IGF1: variants seen among roughly 807,000 people sequenced by gnomAD.
IGF1 encodes the protein insulin like growth factor 1.
A neutral mutation model predicts 13.8 loss-of-function variants in IGF1; 4 were observed. The ratio of observed to expected loss-of-function variants is 0.29; its 90% CI spans 0.14 to 0.66. IGF1 has a LOEUF of 0.66. Among genes scored for constraint, IGF1 ranks in the 30% least tolerant of loss-of-function variants. The pLI is 0.78. For synonymous variants in IGF1, 76 were observed against 72.6 expected (o/e 1.05, Z -0.23); for missense variants, 124 against 188.5 (o/e 0.66, Z 2.00).
chr12:102,465,453 G>A (rs116895445), intron 2 of IGF1, among the ~76,000 whole-genome samples: 1 of 152,294 alleles, frequency 6.6e-6, no homozygotes, highest in Non-Finnish European at 1.5e-5. Context: ...AGGGGAGCTG[G>A]GTCAGGCCCA....
chr12:102,415,543 T>TTTCCTTCCTTCCTTCCTTCCGTCC (rs1875020537), intron 3 of IGF1, among the ~76,000 whole-genome samples: 3 of 81,722 alleles, frequency 3.7e-5, no homozygotes, highest in East Asian at 4.0e-4. Context: ...CTTCCTTCCC[T>TTTCCTTCCTTCCTTCCTTCCGTCC]TTCCTTCCTT....
At chr12:102,425,003 A>G (rs1035898239) in intron 2 of IGF1, among the ~76,000 whole-genome samples, 1 of 152,240 alleles carries the variant, frequency 6.6e-6, no homozygotes, top group African/African-American at 2.4e-5. Flanking sequence ...TCAACTGGCC[A>G]CATCTTTTTA....
chr12:102,446,823 G>A (rs1399222080), intron 2 of IGF1, among the ~76,000 whole-genome samples: 8 of 152,122 alleles, frequency 5.3e-5, no homozygotes, highest in African/African-American at 1.2e-4. Context: ...TTCAGGTGTC[G>A]ATTTTAGATC....
intron 3 of IGF1, among the ~76,000 whole-genome samples, chr12:102,413,830 A>G (rs982796442): frequency 2.0e-5 from 3 of 152,164 alleles, no homozygotes; most frequent in East Asian, 1.9e-4. Context: ...AACAGAAGCA[A>G]TGGCTCTCAC....
At chr12:102,416,690 A>T (rs1875169210) in intron 3 of IGF1, among the ~76,000 whole-genome samples, 1 of 152,180 alleles carries the variant, frequency 6.6e-6, no homozygotes, top group South Asian at 2.1e-4. Flanking sequence ...CAGATATAAA[A>T]ATAGATCTGT....
intron 3 of IGF1, among the ~76,000 whole-genome samples, chr12:102,409,666 A>G (rs1027814386): frequency 1.3e-5 from 2 of 152,168 alleles, no homozygotes; most frequent in South Asian, 2.1e-4. Context: ...TGGTCTATCT[A>G]TCTCGGGTTT....
intron 3 of IGF1, among the ~76,000 whole-genome samples, chr12:102,404,576 T>G (rs1423139867): frequency 6.6e-6 from 1 of 151,952 alleles, no homozygotes; most frequent in African/African-American, 2.4e-5. Context: ...CAGTGACCAC[T>G]GCAAAAAGGA....
intron 2 of IGF1, among the ~76,000 whole-genome samples, chr12:102,426,529 G>A (rs1303093058): frequency 6.6e-6 from 1 of 152,136 alleles, no homozygotes; most frequent in Non-Finnish European, 1.5e-5. Flanking sequence ...TAAATGAAAG[G>A]CTGTTCTCTT....
intron 1 of IGF1, among the ~76,000 whole-genome samples, chr12:102,476,528 C>T (rs757103587): frequency 4.6e-5 from 7 of 151,224 alleles, no homozygotes; most frequent in South Asian, 2.1e-4. Flanking sequence ...ATATGAGAAT[C>T]GAAGAATGAA....
Position 102,448,481 on chromosome 12 carries a change from T to C in IGF1, c.220+27162A>G, listed in dbSNP as rs949265491. Among the ~76,000 whole-genome samples, 336 of 136,484 alleles carry C rather than the reference T, an allele frequency of 2.5e-3. 3 individuals carry two copies. The highest frequency in any genetic ancestry group is 9.8e-3 in the East Asian group (44 of 4,492). 89.5% of individuals were successfully genotyped at this position (136,484 alleles called of 152,430 possible). ...GCATATTCTGACTCATAGGTGGGAA[T>C]TGAACAATGAGATCACATGGACACA... is the stretch of plus-strand genomic sequence containing the variant. On this transcript the variant is annotated intron_variant, in intron 2 of 3. Transcript: ENST00000337514.
intron 2 of IGF1, among the ~76,000 whole-genome samples, chr12:102,426,878 T>C (rs988826975): frequency 2.5e-4 from 38 of 152,382 alleles, no homozygotes; most frequent in African/African-American, 7.9e-4. Flanking sequence ...TCTCTTCTTT[T>C]CCTATTTCCT....
intron 2 of IGF1, among the ~76,000 whole-genome samples, chr12:102,443,929 G>A (rs1292192605): frequency 8.6e-5 from 13 of 152,028 alleles, no homozygotes; most frequent in Admixed American, 8.5e-4. Context: ...CGGGGTTCAA[G>A]TGATTCTCCT....
chr12:102,423,015 C>G (rs1875865942), intron 2 of IGF1: 1 of 152,078 alleles, frequency 6.6e-6, no homozygotes, highest in African/African-American at 2.4e-5. Context: ...GAGATCCTAG[C>G]AGAAGATTCC....
At chr12:102,415,902 C>G (rs560677420) in intron 3 of IGF1, among the ~76,000 whole-genome samples, 1 of 152,144 alleles carries the variant, frequency 6.6e-6, no homozygotes, top group Admixed American at 6.5e-5. Context: ...GGCTAAGGCA[C>G]GAGCCTGGCT....
intron 2 of IGF1, among the ~76,000 whole-genome samples, chr12:102,454,754 C>T (rs1003065229): frequency 2.0e-5 from 3 of 152,224 alleles, no homozygotes; most frequent in South Asian, 4.1e-4. Flanking sequence ...ATGTTTGCTG[C>T]AGATCCAGGC....
At chr12:102,417,657 G>A (rs888356441) in intron 3 of IGF1, 1 of 1,395,234 alleles carries the variant, frequency 7.2e-7, no homozygotes, top group South Asian at 1.8e-5. Context: ...ATGTTTCTTA[G>A]CGAGATTCTC....
chr12:102,444,177 G>A (rs1592789266), intron 2 of IGF1, among the ~76,000 whole-genome samples: 1 of 151,966 alleles, frequency 6.6e-6, no homozygotes, highest in South Asian at 2.1e-4. Flanking sequence ...TGGGTGTGAG[G>A]AGTCAAGAGG....
At chr12:102,447,635 C>T (rs1878474922) in intron 2 of IGF1, among the ~76,000 whole-genome samples, 1 of 152,176 alleles carries the variant, frequency 6.6e-6, no homozygotes, top group Non-Finnish European at 1.5e-5. Context: ...AGATGAGTGT[C>T]CTGAATACAG....
At chr12:102,481,484 G>T (rs1040093254), upstream of IGF1, among the ~76,000 whole-genome samples, 12 of 151,902 alleles carry the variant, frequency 7.9e-5, no homozygotes, top group Non-Finnish European at 1.6e-4. Flanking sequence ...CCTCTCGAGG[G>T]TTATGATGTC....
Sources: gnomAD v4.1 joint callset for allele counts (sites outside exome capture counted in the v4.1 genomes callset) on GRCh38, gnomAD v4.1.1 for gene constraint, MANE v1.5 for transcripts, NCBI Gene and HGNC (gene_info 2026-07-23, HGNC 2026-07-21) for gene names.